CYRIA: variants seen among roughly 807,000 people sequenced by gnomAD.
The protein encoded by CYRIA is CYFIP-related Rac1 interactor A.
In CYRIA, 15 loss-of-function variants were observed where a neutral mutation model predicts 43.9. The ratio of observed to expected loss-of-function variants is 0.34; its 90% CI spans 0.23 to 0.53. The LOEUF (loss-of-function observed/expected upper bound fraction) is 0.53. CYRIA is among the 20% of genes least tolerant of loss of function. The pLI is 0.94. For missense variants in CYRIA, 236 were observed against 394.2 expected, an observed-to-expected ratio of 0.60 and a Z score of 3.40; for synonymous variants, 117 against 136.0, an observed-to-expected ratio of 0.86 and a Z score of 0.97.
Position 16,586,327 on chromosome 2 carries a change from T to A in CYRIA, c.70+1723A>T, listed in dbSNP as rs200280819. Among the ~76,000 whole-genome samples, 7 of 152,292 alleles carry A rather than the reference T, an allele frequency of 4.6e-5. No individual in the cohort carries two copies. In the South Asian group the frequency reaches 1.2e-3, roughly 27 times the overall value. On this transcript the variant is annotated intron_variant, in intron 3 of 11. Coordinates refer to ENST00000381323, the MANE Select transcript of CYRIA (RefSeq NM_030797.4). ...TAAAAGAAGGGTGGCAAGATATAGA[T>A]AATTTGTTTTGCACATTTAAAAAAA...
chr2:16,619,402 C>G (rs1862060), intron 2 of CYRIA, among the ~76,000 whole-genome samples: 38,062 of 152,000 alleles, frequency 0.25, 5,545 homozygotes, highest in East Asian at 0.71. Flanking sequence ...TATATACACA[C>G]ACACATATAC....
intron 1 of CYRIA, among the ~76,000 whole-genome samples, chr2:16,652,027 A>G (rs907705794): frequency 2.0e-5 from 3 of 152,182 alleles, no homozygotes; most frequent in Non-Finnish European, 4.4e-5. Flanking sequence ...AATATTTTTA[A>G]GCAAACCTAC....
intron 3 of CYRIA, among the ~76,000 whole-genome samples, chr2:16,584,878 T>C (rs1667671378): frequency 6.6e-6 from 1 of 152,206 alleles, no homozygotes; most frequent in African/African-American, 2.4e-5. Flanking sequence ...ATTCCTTCCA[T>C]GGCCTTCTGT....
At chr2:16,592,915 T>G (rs79503741) in intron 2 of CYRIA, among the ~76,000 whole-genome samples, 2,588 of 152,250 alleles carry the variant, frequency 0.017, 87 homozygotes, top group African/African-American at 0.06. Flanking sequence ...AATAGGATCA[T>G]AGAAAAGAGT....
intron 1 of CYRIA, among the ~76,000 whole-genome samples, chr2:16,638,748 T>C (rs1466904740): frequency 6.6e-6 from 1 of 152,156 alleles, no homozygotes; most frequent in African/African-American, 2.4e-5. Flanking sequence ...AGGGTGCTAT[T>C]GTCAGGTTTG....
chr2:16,635,462 G>C (rs1047995805), intron 1 of CYRIA, among the ~76,000 whole-genome samples: 1 of 152,158 alleles, frequency 6.6e-6, no homozygotes, highest in Non-Finnish European at 1.5e-5. Context: ...GCCCTAACAT[G>C]GTACCGGGCA....
chr2:16,591,069 G>A (rs1237891168), intron 2 of CYRIA, among the ~76,000 whole-genome samples: 1 of 152,020 alleles, frequency 6.6e-6, no homozygotes, highest in Non-Finnish European at 1.5e-5. Flanking sequence ...TTTTCAAGCA[G>A]CTCATCAGTG....
intron 1 of CYRIA, among the ~76,000 whole-genome samples, chr2:16,660,394 C>G (rs1015716088): frequency 1.8e-4 from 27 of 152,190 alleles, no homozygotes; most frequent in African/African-American, 6.5e-4. Context: ...AGGTGGTCCA[C>G]AGAGAGCGCC....
chr2:16,591,124 C>T (rs907207350), intron 2 of CYRIA, among the ~76,000 whole-genome samples: 4 of 151,172 alleles, frequency 2.6e-5, no homozygotes, highest in Non-Finnish European at 4.4e-5. Context: ...CATGAAATAG[C>T]TTAATTAATT....
intron 10 of CYRIA, among the ~76,000 whole-genome samples, chr2:16,556,960 G>T (rs945981446): frequency 5.9e-5 from 9 of 152,084 alleles, no homozygotes; most frequent in East Asian, 1.9e-4. Context: ...ACAGGTTTGT[G>T]GGGGGAGGGG....
intron 11 of CYRIA, 96 bp downstream of exon 11, chr2:16,554,973 G>C (rs1483247503): frequency 1.2e-6 from 1 of 810,000 alleles, no homozygotes; most frequent in Non-Finnish European, 1.9e-6. Flanking sequence ...AAATATGCAA[G>C]GGTTAAGTTT....
intron 2 of CYRIA, among the ~76,000 whole-genome samples, chr2:16,606,845 A>G (rs1161360504): frequency 1.3e-5 from 2 of 152,132 alleles, no homozygotes; most frequent in African/African-American, 2.4e-5. Flanking sequence ...TCATCTGGGT[A>G]CCAAAGGAGG....
chr2:16,621,007 A>T (rs1386449309), intron 2 of CYRIA, among the ~76,000 whole-genome samples: 1 of 152,178 alleles, frequency 6.6e-6, no homozygotes, highest in Middle Eastern at 3.2e-3. Context: ...TGAGCTCCCC[A>T]AGCACCCATT....
At chr2:16,664,885 G>A (rs1052787391) in intron 1 of CYRIA, among the ~76,000 whole-genome samples, 5 of 152,172 alleles carry the variant, frequency 3.3e-5, no homozygotes, top group Non-Finnish European at 7.4e-5. Flanking sequence ...AGGACATCAG[G>A]CCCTGGACAC....
At chr2:16,563,941 A>G (rs936077052) in intron 5 of CYRIA, 48 bp downstream of exon 5, 10 of 1,430,542 alleles carry the variant, frequency 7.0e-6, no homozygotes, top group African/African-American at 4.3e-5. Context: ...TCAAACATCA[A>G]AACAGAACTC....
intron 2 of CYRIA, among the ~76,000 whole-genome samples, chr2:16,592,135 T>G (rs1425421263): frequency 6.6e-6 from 1 of 152,128 alleles, no homozygotes; most frequent in South Asian, 2.1e-4. Context: ...TTTTGAGCAC[T>G]GACATGACAC....
chr2:16,573,854 A>G (rs1015648582), intron 3 of CYRIA, among the ~76,000 whole-genome samples: 4 of 152,200 alleles, frequency 2.6e-5, no homozygotes, highest in Non-Finnish European at 5.9e-5. Flanking sequence ...GCCCAGTCTC[A>G]GGTATGCCTT....
chr2:16,636,890 C>A (rs1055905422), intron 1 of CYRIA, among the ~76,000 whole-genome samples: 1 of 152,172 alleles, frequency 6.6e-6, no homozygotes, highest in African/African-American at 2.4e-5. Context: ...GTGGCAGAAT[C>A]ACCTGAGCCT....
intron 1 of CYRIA, among the ~76,000 whole-genome samples, chr2:16,641,809 G>C (rs538115832): frequency 6.6e-6 from 1 of 152,306 alleles, no homozygotes; most frequent in African/African-American, 2.4e-5. Flanking sequence ...GGGTGGGCTG[G>C]GGGTGAGAGC....
Sources: allele counts gnomAD v4.1 joint callset (sites outside exome capture counted in the v4.1 genomes callset), GRCh38; gene constraint gnomAD v4.1.1; transcripts MANE v1.5; gene names NCBI Gene and HGNC (gene_info 2026-07-23, HGNC 2026-07-21).